Variants in MRPL9 observed in about 807,000 individuals in gnomAD.
MRPL9 encodes large ribosomal subunit protein bL9m.
In MRPL9, 25 loss-of-function variants were observed where a neutral mutation model predicts 27.6. The observed-to-expected ratio is 0.91, with a 90% CI of 0.66 to 1.27. MRPL9 has a LOEUF of 1.27. Ranked by LOEUF, MRPL9 falls within the 50% of genes most tolerant of loss-of-function variation. The probability of loss-of-function intolerance (pLI) is 0.00; values close to 1 mark genes in which losing one functional copy is unlikely to be tolerated. For synonymous variants in MRPL9, 154 were observed against 139.0 expected (o/e 1.11, Z -0.76); for missense variants, 362 against 338.0 (o/e 1.07, Z -0.56).
At chr1:151,760,684 T>C in intron 6 of MRPL9, 132 bp downstream of exon 6, 2 of 736,552 alleles carry the variant, frequency 2.7e-6, no homozygotes, top group Middle Eastern at 2.5e-4. Flanking sequence ...GGTGGGAGGA[T>C]CGCTTGAACC....
At chr1:151,760,925 A>AAAAAAC in intron 5 of MRPL9, 26 bp from the exon 6 acceptor site, 2 of 1,479,424 alleles carry the variant, frequency 1.4e-6, no homozygotes, top group South Asian at 1.2e-5. Flanking sequence ...AAAAAAAAAA[A>AAAAAAC]ATCTCAGCTC....
chr1:151,763,075 C>T lies in MRPL9; in HGVS notation c.225G>A (p.Arg75=), dbSNP rs1191786282. 1 of 1,614,146 alleles carries T rather than the reference C, an allele frequency of 6.2e-7. No homozygotes were observed. The highest frequency in any genetic ancestry group is 2.2e-5 in the East Asian group (1 of 44,864). The change falls in exon 2 of 7, where the codon CGG becomes CGA. Residue 75 remains arginine, a synonymous_variant. Transcript: ENST00000368830. ...AGEGRKPRLH[R]RHRVYKLVED... Reference sequence around the variant, plus strand: ...CCACCAGCTTATAGACGCGATGTCGCCGGTGCAGGCGCGGCTTCCGGCCCT... The same window carrying T: ...CCACCAGCTTATAGACGCGATGTCGTCGGTGCAGGCGCGGCTTCCGGCCCT...
At chr1:151,762,873 A>G in intron 2 of MRPL9, 117 bp downstream of exon 2, 1 of 1,221,018 alleles carries the variant, frequency 8.2e-7, no homozygotes, top group East Asian at 2.4e-5. Flanking sequence ...TCTCACATAT[A>G]GAGTTGGATT....
intron 6 of MRPL9, 32 bp downstream of exon 6, chr1:151,760,784 A>G (rs773895639): frequency 1.8e-5 from 28 of 1,532,366 alleles, no homozygotes; most frequent in African/African-American, 1.1e-4. Flanking sequence ...AAGGAGAAAG[A>G]AAAGAAAAAA....
rs1343559466 is a variant in MRPL9 at position 151,761,442 on chromosome 1, C to G, written c.588+9G>C. ...AGGGGTAGAGTGGTTTTTGGGAACACTCACTCACATTCTTAAAGAAGTGGC... is the reference window on the plus strand; with the variant it reads ...AGGGGTAGAGTGGTTTTTGGGAACAGTCACTCACATTCTTAAAGAAGTGGC... On this transcript the variant is annotated intron_variant, in intron 5 of 6. Coordinates refer to ENST00000368830, the MANE Select transcript of MRPL9 (RefSeq NM_031420.4). 1 of 1,604,174 alleles carries G rather than the reference C, an allele frequency of 6.2e-7. No homozygotes were observed. The highest frequency in any genetic ancestry group is 1.3e-5 in the African/African-American group (1 of 74,796).
At chr1:151,760,776 G>A (rs1213944531) in intron 6 of MRPL9, 40 bp downstream of exon 6, 3 of 1,510,916 alleles carry the variant, frequency 2.0e-6, no homozygotes, top group South Asian at 1.2e-5. Context: ...TGGGGGAAAA[G>A]GAGAAAGAAA....
rs1647982604 is a variant in MRPL9 at position 151,759,907 on chromosome 1, A to T, written c.*143T>A. 1.9e-6 allele frequency: 2 copies of T among 1,061,890 alleles called. No homozygotes were observed. Among genetic ancestry groups the T allele is most frequent in the Admixed American group, 3.3e-5 (1 of 30,690 alleles). 65.8% of individuals were successfully genotyped at this position (1,061,890 alleles called of 1,614,324 possible). On this transcript the variant is annotated 3_prime_UTR_variant, in exon 7 of 7. Transcript: ENST00000368830. Reference sequence around the variant, plus strand: ...AGATGGCAAAAATGAAGAATTCAACATGTATACGCAGTGCAGTCTGATGTC... The same window carrying T: ...AGATGGCAAAAATGAAGAATTCAACTTGTATACGCAGTGCAGTCTGATGTC...
At chr1:151,762,262 G>A in intron 3 of MRPL9, 107 bp from the exon 4 acceptor site, 1 of 1,569,974 alleles carries the variant, frequency 6.4e-7, no homozygotes, top group South Asian at 1.1e-5. Flanking sequence ...CTGCATTCCT[G>A]TTCTTCTAGT....
At position 151,762,495 on chromosome 1, in the gene MRPL9, C is replaced by T. The variant is rs747513864; in HGVS notation, c.316G>A (p.Gly106Arg). The T allele has an allele frequency of 3.1e-6, 5 of 1,613,948 alleles. No homozygotes were observed. The South Asian group carries it at 5.5e-5, about 18-fold the overall frequency. Residue 106 changes from glycine (G) to arginine (R), a missense_variant, in exon 3 of 7, where the codon GGA becomes AGA. Transcript: ENST00000368830. ...ACTGAGACCAGGTCACCCCGGACTC[C>T]AACATCTGTCAATTAGAACAGAGAC... ...LILTQSVENV[G>R]VRGDLVSVKK...
Position 151,762,110 on chromosome 1 carries a change from C to CACCTGCCTT in MRPL9, c.472_480dup (p.Lys158_Gly160dup). 1.9e-6 allele frequency: 3 copies of CACCTGCCTT among 1,614,192 alleles called. No homozygotes were observed. Among genetic ancestry groups the CACCTGCCTT allele is most frequent in the Non-Finnish European group, 2.5e-6 (3 of 1,180,016 alleles). ...CTTTTTATGTTTCTACTCACCGCCT[C>CACCTGCCTT]ACCTGCCTTGGTCTGGATCTTCTCT... On this transcript the variant is annotated inframe_insertion, in exon 4 of 7. Transcript: ENST00000368830.
chr1:151,763,183 C>A lies in MRPL9; in HGVS notation c.154-37G>T, dbSNP rs1453191792. ...GAAAGCGACGGTAAGCTAGTCTCCA[C>A]AAGGAACACCCTCTCCCTCCACCAC... On this transcript the variant is annotated intron_variant, in intron 1 of 6. Transcript: ENST00000368830. 8.7e-6 allele frequency: 14 copies of A among 1,601,936 alleles called. No homozygotes were observed. In the East Asian group the frequency reaches 2.9e-4, roughly 33 times the overall value.
intron 2 of MRPL9, 120 bp downstream of exon 2, chr1:151,762,870 T>G: frequency 8.3e-7 from 1 of 1,200,066 alleles, no homozygotes; most frequent in Non-Finnish European, 1.2e-6. Context: ...TCTTCTCACA[T>G]ATAGAGTTGG....
intron 5 of MRPL9, 103 bp from the exon 6 acceptor site, chr1:151,761,002 C>T: frequency 9.4e-7 from 1 of 1,061,464 alleles, no homozygotes; most frequent in Non-Finnish European, 1.3e-6. Context: ...GGATTCCCTG[C>T]ACAGGGATGA....
At chr1:151,761,605 A>G (rs1203397942) in intron 4 of MRPL9, 53 bp from the exon 5 acceptor site, 3 of 1,369,160 alleles carry the variant, frequency 2.2e-6, no homozygotes, top group Non-Finnish European at 3.1e-6. Flanking sequence ...TCAGGGTCAC[A>G]GGGTATGCAA....
intron 5 of MRPL9, among the ~76,000 whole-genome samples, 182 bp from the exon 6 acceptor site, chr1:151,761,081 T>C (rs951816434): frequency 5.3e-5 from 8 of 152,142 alleles, no homozygotes; most frequent in Non-Finnish European, 8.8e-5. Context: ...TAGACGGTAG[T>C]AGAGAAATTC....
intron 5 of MRPL9, 152 bp from the exon 6 acceptor site, chr1:151,761,051 G>T: frequency 1.6e-6 from 1 of 643,064 alleles, no homozygotes; most frequent in Non-Finnish European, 2.6e-6. Flanking sequence ...TTCCATGGGA[G>T]AGAAGGGCAT....
At position 151,763,322 on chromosome 1, in the gene MRPL9, C is replaced by T. The variant is rs372698075; in HGVS notation, c.153+5G>A. ...TCTACCCCCTACCCCAGACTCAGCC[C>T]TCACCCGATTTTGAGAAAGGCTGAA... On this transcript the variant is annotated splice_donor_5th_base_variant and intron_variant, in intron 1 of 6. Transcript: ENST00000368830. The T allele has an allele frequency of 3.0e-5, 48 of 1,595,094 alleles. No homozygotes were observed. The highest frequency in any genetic ancestry group is 4.1e-5 in the Non-Finnish European group (48 of 1,169,950).
intron 2 of MRPL9, 67 bp from the exon 3 acceptor site, chr1:151,762,567 A>G (rs569430599): frequency 6.6e-7 from 1 of 1,518,506 alleles, no homozygotes; most frequent in East Asian, 2.3e-5. Context: ...AGATGTCAAA[A>G]AGAGAAGCAC....
At position 151,762,457 on chromosome 1, in the gene MRPL9, TAAA is replaced by T. The variant is rs1321502706; in HGVS notation, c.351_353del (p.Leu118del). 6.2e-7 allele frequency: 1 copy of T among 1,614,136 alleles called. No homozygotes were observed. The highest frequency in any genetic ancestry group is 2.2e-5 in the East Asian group (1 of 44,888). The stretch of plus-strand genomic sequence containing the variant: ...CCTGAGGAAGGAGTCGATTCCGGCC[TAAA>T]GATTTCTTCACTGAGACCAGGTCAC... On this transcript the variant is annotated inframe_deletion, in exon 3 of 7. Coordinates refer to ENST00000368830, the MANE Select transcript of MRPL9 (RefSeq NM_031420.4).
Sources: allele counts gnomAD v4.1 joint callset (sites outside exome capture counted in the v4.1 genomes callset), GRCh38; gene constraint gnomAD v4.1.1; transcripts MANE v1.5; gene names NCBI Gene and HGNC (gene_info 2026-07-23, HGNC 2026-07-21).